The following SETX variants were observed in gnomAD, a reference collection of about 807,000 sequenced individuals.
The protein encoded by SETX is helicase senataxin.
A neutral mutation model predicts 227.2 loss-of-function variants in SETX; 90 were observed. That is an observed-to-expected ratio of 0.40 (90% CI 0.33 to 0.47). The LOEUF is 0.47. Among genes scored for constraint, SETX ranks in the 20% least tolerant of loss-of-function variants. SETX has a pLI of 0.91. For missense variants in SETX, 3,052 were observed against 3,181.5 expected, an observed-to-expected ratio of 0.96 and a Z score of 0.98; for synonymous variants, 1,210 against 1,113.2, an observed-to-expected ratio of 1.09 and a Z score of -1.73.
intron 10 of SETX, among the ~76,000 whole-genome samples, chr9:132,313,621 T>A (rs545931551): frequency 6.6e-6 from 1 of 152,188 alleles, no homozygotes; most frequent in South Asian, 2.1e-4. Flanking sequence ...GTTTCATAAC[T>A]CATGTGGCCT....
intron 23 of SETX, among the ~76,000 whole-genome samples, chr9:132,273,011 CTG>C (rs1842972385): frequency 6.6e-6 from 1 of 152,112 alleles, no homozygotes; most frequent in African/African-American, 2.4e-5. Flanking sequence ...TTTGGGAAGA[CTG>C]TGTGAACTCA....
At chr9:132,349,149 G>T in intron 3 of SETX, 103 bp downstream of exon 3, 7 of 1,123,056 alleles carry the variant, frequency 6.2e-6, no homozygotes, top group Non-Finnish European at 9.1e-6. Context: ...CCACAAAGTT[G>T]AAATCGTATC....
In SETX at chr9:132,328,483, T is replaced by C. The variant is rs372529790; in HGVS notation, c.3115A>G (p.Ile1039Val). 28 of 1,613,854 alleles carry C rather than the reference T, an allele frequency of 1.7e-5. 1 individual carries two copies. Among genetic ancestry groups the C allele is most frequent in the Middle Eastern group, 3.3e-4 (2 of 6,062 alleles). Residue 1039 changes from isoleucine to valine, a missense_variant, in exon 10 of 26, where the codon ATA becomes GTA. Ile to Val is a conservative substitution (Grantham distance 29). Coordinates refer to ENST00000224140, the MANE Select transcript of SETX (RefSeq NM_015046.7). ...SLEKLTKQDK[I>V]CLEREHPEQH... ...TCTGGATGTTCCCTCTCAAGGCATA[T>C]TTTGTCCTGTTTAGTGAGTTTCTCA... is the stretch of plus-strand genomic sequence containing the variant.
At chr9:132,276,324 A>T (rs1843159922) in intron 22 of SETX, among the ~76,000 whole-genome samples, 1 of 152,144 alleles carries the variant, frequency 6.6e-6, no homozygotes, top group Non-Finnish European at 1.5e-5. Flanking sequence ...CCAGCACTAC[A>T]ATCCCATGGC....
In SETX at chr9:132,353,668, A is replaced by G. The variant is rs1848721467; in HGVS notation, c.-27T>C. ...TATTACCTGGACAAATGGCCTACAG[A>G]AAAGTGATCGTCTCAGCTGGGCTTA... On this transcript the variant is annotated 5_prime_UTR_variant, in exon 2 of 26. Coordinates refer to ENST00000224140, the MANE Select transcript of SETX (RefSeq NM_015046.7). The G allele has an allele frequency of 6.6e-6, 1 of 152,218 alleles. No individual in the cohort carries two copies. The highest frequency in any genetic ancestry group is 1.5e-5 in the Non-Finnish European group (1 of 68,060). The allele number at this position is 152,218 out of a possible 1,614,324, so 9.4% of individuals were successfully genotyped here.
chr9:132,279,261 A>C (rs1843359116), intron 20 of SETX, among the ~76,000 whole-genome samples: 1 of 152,186 alleles, frequency 6.6e-6, no homozygotes, highest in Non-Finnish European at 1.5e-5. Context: ...GCAACACAGA[A>C]AGTTTCAAAA....
upstream of SETX, among the ~76,000 whole-genome samples, chr9:132,356,633 G>A (rs1227384330): frequency 6.6e-6 from 1 of 152,196 alleles, no homozygotes; most frequent in Non-Finnish European, 1.5e-5. Context: ...AGGCTGAGAT[G>A]GGCCAGCTTG....
chr9:132,318,926 C>T (rs763894537), intron 10 of SETX, among the ~76,000 whole-genome samples: 102 of 152,138 alleles, frequency 6.7e-4, no homozygotes, highest in Middle Eastern at 3.2e-3. Context: ...CCTTCCCATC[C>T]CAAGAACCCA....
chr9:132,317,478 T>C (rs2131379295), intron 10 of SETX, among the ~76,000 whole-genome samples: 1 of 152,362 alleles, frequency 6.6e-6, no homozygotes, highest in East Asian at 1.9e-4. Flanking sequence ...TACATACATG[T>C]TCACAATCAA....
chr9:132,269,320 CT>C, intron 25 of SETX: 20 of 1,038,332 alleles, frequency 1.9e-5, no homozygotes, highest in Admixed American at 3.0e-5. Flanking sequence ...CAAGCAATTG[CT>C]TTGGCACTTT....
intron 22 of SETX, among the ~76,000 whole-genome samples, chr9:132,276,721 C>T (rs552644847): frequency 2.6e-5 from 4 of 152,302 alleles, no homozygotes; most frequent in African/African-American, 9.6e-5. Flanking sequence ...TGAATTTATA[C>T]TTAGCCTTCA....
intron 25 of SETX, among the ~76,000 whole-genome samples, chr9:132,268,371 T>C (rs974015749): frequency 6.6e-6 from 1 of 152,176 alleles, no homozygotes; most frequent in Non-Finnish European, 1.5e-5. Context: ...ATTAGGTACA[T>C]GCGCCTATAG....
chr9:132,298,259 G>C lies in SETX; in HGVS notation c.5602C>G (p.Pro1868Ala). Residue 1868 changes from proline to alanine, a missense_variant, in exon 13 of 26, where the codon CCG becomes GCG. This residue lies in a region of SETX where 239 missense variants were observed against 272.1 expected (regional missense o/e 0.88). Transcript: ENST00000224140. ...TTCACAAGTTCGTTTAAATTGGCCGGAAAGTTCTCTTGAGTCTGGATGGAA... is the reference window on the plus strand; with the variant it reads ...TTCACAAGTTCGTTTAAATTGGCCGCAAAGTTCTCTTGAGTCTGGATGGAA... Reference protein sequence around the residue: ...YLSIQTQENFPANLNELVNCI... With the variant: ...YLSIQTQENFAANLNELVNCI... 1 of 1,614,068 alleles carries C rather than the reference G, an allele frequency of 6.2e-7. No homozygotes were observed. The highest frequency in any genetic ancestry group is 2.2e-5 in the East Asian group (1 of 44,870).
chr9:132,329,220 T>A lies in SETX; in HGVS notation c.2378A>T (p.His793Leu), dbSNP rs754564585. ...CTTCCTGTGTTGCTTCTTTATTACA[T>A]GTGATAACTTTGCACAGATTTCATC... is the stretch of plus-strand genomic sequence containing the variant. Reference protein sequence around the residue: ...QKDEICAKLSHVIKKQHRKST... With the variant: ...QKDEICAKLSLVIKKQHRKST... Residue 793 changes from histidine to leucine, a missense_variant, in exon 10 of 26, where the codon CAT becomes CTT. Around this residue, in one of 10 missense-constraint regions of SETX, gnomAD observed 1,483 missense variants for 1,312.0 expected, o/e 1.13. Transcript: ENST00000224140. 2.5e-6 allele frequency: 4 copies of A among 1,613,910 alleles called. No individual in the cohort carries two copies. Among genetic ancestry groups the A allele is most frequent in the Non-Finnish European group, 3.4e-6 (4 of 1,179,940 alleles).
intron 11 of SETX, among the ~76,000 whole-genome samples, chr9:132,302,451 G>A (rs1845054791): frequency 6.6e-6 from 1 of 150,612 alleles, no homozygotes; most frequent in Admixed American, 6.6e-5. Context: ...CCTGAGGTCA[G>A]GCGTTTGAGA....
At chr9:132,272,484 A>AG (rs1842949846) in intron 23 of SETX, among the ~76,000 whole-genome samples, 2 of 151,210 alleles carry the variant, frequency 1.3e-5, no homozygotes, top group African/African-American at 4.9e-5. Flanking sequence ...TTAAAAAAAA[A>AG]AAGAGAGAGA....
chr9:132,350,313 G>A (rs1051440445), intron 2 of SETX, among the ~76,000 whole-genome samples: 1 of 152,146 alleles, frequency 6.6e-6, no homozygotes, highest in Non-Finnish European at 1.5e-5. Context: ...TTGCGCCACT[G>A]CACTCCAGCC....
At chr9:132,276,596 A>C (rs1366057043) in intron 22 of SETX, among the ~76,000 whole-genome samples, 1 of 152,154 alleles carries the variant, frequency 6.6e-6, no homozygotes, top group Admixed American at 6.5e-5. Context: ...TTCTAGCAAC[A>C]CCACTCCTCT....
chr9:132,311,642 C>T (rs1026164727), intron 11 of SETX, 115 bp downstream of exon 11: 6 of 742,168 alleles, frequency 8.1e-6, no homozygotes, highest in African/African-American at 1.8e-5. Context: ...TAAGAAGTCA[C>T]AAATTTAGCT....
Sources: allele counts gnomAD v4.1 joint callset (sites outside exome capture counted in the v4.1 genomes callset), GRCh38; gene constraint gnomAD v4.1.1; regional missense constraint gnomAD v4.1.1; transcripts MANE v1.5; gene names NCBI Gene and HGNC (gene_info 2026-07-23, HGNC 2026-07-21).